The following PPP3CA variants were observed in gnomAD, a reference collection of about 807,000 sequenced individuals.
PPP3CA encodes the protein protein phosphatase 3 catalytic subunit alpha.
Under a neutral mutation model 66.5 loss-of-function variants are expected in PPP3CA, and 14 were observed. The observed-to-expected ratio is 0.21, with a 90% CI of 0.14 to 0.33. PPP3CA has a LOEUF of 0.33. Ranked by LOEUF, PPP3CA falls within the 10% of genes least tolerant of loss-of-function variation. PPP3CA has a pLI of 1.00. For missense variants in PPP3CA, 317 were observed against 639.5 expected, an observed-to-expected ratio of 0.50 and a Z score of 5.44; for synonymous variants, 232 against 226.2, an observed-to-expected ratio of 1.03 and a Z score of -0.23.
chr4:101,340,594 A>G (rs1240332029), intron 1 of PPP3CA, among the ~76,000 whole-genome samples: 3 of 152,218 alleles, frequency 2.0e-5, no homozygotes, highest in African/African-American at 7.2e-5. Context: ...CATATGAAAT[A>G]TAATTGATGG....
At chr4:101,181,425 A>G (rs1724231568) in intron 2 of PPP3CA, among the ~76,000 whole-genome samples, 1 of 152,112 alleles carries the variant, frequency 6.6e-6, no homozygotes, top group Non-Finnish European at 1.5e-5. Flanking sequence ...AAATAAAATA[A>G]TATATTTCAA....
At chr4:101,093,074 C>T (rs949761312) in intron 6 of PPP3CA, among the ~76,000 whole-genome samples, 1 of 152,206 alleles carries the variant, frequency 6.6e-6, no homozygotes, top group Admixed American at 6.5e-5. Context: ...CTCCCACCAA[C>T]AGCGTAAAAG....
chr4:101,167,681 T>A (rs1245549635), intron 2 of PPP3CA, among the ~76,000 whole-genome samples: 1 of 152,098 alleles, frequency 6.6e-6, no homozygotes, highest in African/African-American at 2.4e-5. Context: ...GACACAGCTA[T>A]CACACAGGGT....
At position 101,210,504 on chromosome 4, in the gene PPP3CA, G is replaced by A. The variant is rs149850893; in HGVS notation, c.59-14388C>T. Among the ~76,000 whole-genome samples, 680 of 152,228 alleles carry A rather than the reference G, an allele frequency of 4.5e-3. 7 individuals carry two copies. The highest frequency in any genetic ancestry group is 0.015 in the African/African-American group (643 of 41,538). ...TTGAAGATTAAACAAACTAATATTT[G>A]TAAGGTGCTTGGCCCATTACTGGCA... On this transcript the variant is annotated intron_variant, in intron 1 of 13. Coordinates refer to ENST00000394854, the MANE Select transcript of PPP3CA (RefSeq NM_000944.5).
chr4:101,134,635 T>C (rs752631680), intron 2 of PPP3CA, among the ~76,000 whole-genome samples: 2 of 152,204 alleles, frequency 1.3e-5, no homozygotes, highest in Non-Finnish European at 1.5e-5. Context: ...TTGGTGGGAA[T>C]GTAAATTAGT....
chr4:101,217,742 C>G (rs2659519), intron 1 of PPP3CA, among the ~76,000 whole-genome samples: 16,777 of 152,096 alleles, frequency 0.11, 1,342 homozygotes, highest in East Asian at 0.31. Flanking sequence ...GATACATCCC[C>G]AAATCTACAG....
At chr4:101,165,788 C>G (rs2135614) in intron 2 of PPP3CA, among the ~76,000 whole-genome samples, 23,694 of 151,976 alleles carry the variant, frequency 0.16, 2,545 homozygotes, top group East Asian at 0.3. Flanking sequence ...ACTCAAACTG[C>G]CATTGGCTTT....
Position 101,267,998 on chromosome 4 carries a change from T to G in PPP3CA, c.59-71882A>C, listed in dbSNP as rs767484279. Among the ~76,000 whole-genome samples, 47 of 151,992 alleles carry G rather than the reference T, an allele frequency of 3.1e-4. 1 individual carries two copies. The highest frequency in any genetic ancestry group is 3.2e-3 in the Middle Eastern group (1 of 316). Reference sequence around the variant, plus strand: ...TATGCCTAACCAACATGATGAGACCTCGTCTCTACAAAAATATTAACAAGT... The same window carrying G: ...TATGCCTAACCAACATGATGAGACCGCGTCTCTACAAAAATATTAACAAGT... On this transcript the variant is annotated intron_variant, in intron 1 of 13. Coordinates refer to ENST00000394854, the MANE Select transcript of PPP3CA (RefSeq NM_000944.5).
intron 1 of PPP3CA, among the ~76,000 whole-genome samples, chr4:101,265,578 GA>G (rs1727144031): frequency 6.6e-6 from 1 of 152,144 alleles, no homozygotes; most frequent in African/African-American, 2.4e-5. Flanking sequence ...GAATCACTTG[GA>G]AACATGAATA....
At chr4:101,060,430 C>T (rs1284543417) in intron 10 of PPP3CA, among the ~76,000 whole-genome samples, 1 of 152,084 alleles carries the variant, frequency 6.6e-6, no homozygotes, top group Non-Finnish European at 1.5e-5. Context: ...ACATTTTTGT[C>T]AGTTTCCATT....
intron 1 of PPP3CA, among the ~76,000 whole-genome samples, chr4:101,326,594 TCTAGA>T (rs1424257036): frequency 6.6e-6 from 1 of 152,174 alleles, no homozygotes; most frequent in East Asian, 1.9e-4. Flanking sequence ...CTCTTAACAT[TCTAGA>T]CTAGATTCCA....
chr4:101,155,300 A>G (rs146660486), intron 2 of PPP3CA, among the ~76,000 whole-genome samples: 38 of 152,306 alleles, frequency 2.5e-4, no homozygotes, highest in African/African-American at 8.2e-4. Flanking sequence ...TGAATGCATA[A>G]TAAAAGAGTA....
In PPP3CA at chr4:101,032,269, C is replaced by T. The variant is rs1473264145; in HGVS notation, c.1337G>A (p.Ser446Asn). 1.9e-6 allele frequency: 3 copies of T among 1,600,930 alleles called. No homozygotes were observed. The highest frequency in any genetic ancestry group is 1.7e-6 in the Non-Finnish European group (2 of 1,174,384). Residue 446 changes from serine to asparagine, a missense_variant and splice_region_variant, in exon 12 of 14, where the codon AGC becomes AAC. Coordinates refer to ENST00000394854, the MANE Select transcript of PPP3CA (RefSeq NM_000944.5). ...VLSGGKQTLQSATVEAIEADE... is the reference protein window; with the variant it reads ...VLSGGKQTLQNATVEAIEADE... Reference sequence around the variant, plus strand: ...GTCATACCCATCAGCCTGCTTACCGCTTTGCAGGGTTTGCTTCCCTCCAGA... The same window carrying T: ...GTCATACCCATCAGCCTGCTTACCGTTTTGCAGGGTTTGCTTCCCTCCAGA...
chr4:101,088,374 A>C (rs1165453795), intron 6 of PPP3CA, among the ~76,000 whole-genome samples: 1 of 152,022 alleles, frequency 6.6e-6, no homozygotes, highest in Non-Finnish European at 1.5e-5. Flanking sequence ...TCACGAGGTC[A>C]GGAGATGGAG....
chr4:101,126,385 T>C (rs540051392), intron 2 of PPP3CA, among the ~76,000 whole-genome samples: 85 of 152,346 alleles, frequency 5.6e-4, no homozygotes, highest in African/African-American at 1.6e-3. Flanking sequence ...CTGTAAGGAT[T>C]AGAAAATTCT....
At chr4:101,088,053 T>C (rs912423860) in intron 6 of PPP3CA, among the ~76,000 whole-genome samples, 1 of 152,226 alleles carries the variant, frequency 6.6e-6, no homozygotes, top group Non-Finnish European at 1.5e-5. Flanking sequence ...TCATCATGAA[T>C]AGTCCCTTGA....
At chr4:101,115,572 A>T (rs891722683) in intron 2 of PPP3CA, among the ~76,000 whole-genome samples, 6 of 152,112 alleles carry the variant, frequency 3.9e-5, no homozygotes, top group African/African-American at 1.4e-4. Flanking sequence ...AAATTATTGC[A>T]TTAGAGAATG....
intron 10 of PPP3CA, among the ~76,000 whole-genome samples, chr4:101,041,823 G>A (rs886364181): frequency 1.5e-4 from 23 of 152,234 alleles, no homozygotes; most frequent in African/African-American, 4.3e-4. Flanking sequence ...CAAGCAGATC[G>A]TCTAATTCTA....
At chr4:101,146,056 C>T (rs1360405433) in intron 2 of PPP3CA, among the ~76,000 whole-genome samples, 2 of 152,124 alleles carry the variant, frequency 1.3e-5, no homozygotes, top group Admixed American at 6.5e-5. Flanking sequence ...TATGAGAAAT[C>T]GAAATTTAGA....
Sources: allele counts gnomAD v4.1 joint callset (sites outside exome capture counted in the v4.1 genomes callset), GRCh38; gene constraint gnomAD v4.1.1; transcripts MANE v1.5; gene names NCBI Gene and HGNC (gene_info 2026-07-23, HGNC 2026-07-21).